The following CACNA1E variants were observed in gnomAD, a reference collection of about 807,000 sequenced individuals.
CACNA1E encodes the protein voltage-dependent R-type calcium channel subunit alpha-1E.
A neutral mutation model predicts 259.2 loss-of-function variants in CACNA1E; 40 were observed. The observed-to-expected ratio is 0.15, with a 90% CI of 0.12 to 0.20. The LOEUF (loss-of-function observed/expected upper bound fraction) is 0.20. CACNA1E is among the 10% of genes least tolerant of loss of function. The probability of loss-of-function intolerance (pLI) is 1.00; values close to 1 mark genes in which losing one functional copy is unlikely to be tolerated. For missense variants in CACNA1E, 1,874 were observed against 3,040.1 expected (o/e 0.62, Z 9.02); for synonymous variants, 1,104 against 1,138.5 (o/e 0.97, Z 0.61).
Position 181,469,117 on chromosome 1 carries a change from A to C in CACNA1E, c.435-14627A>C, listed in dbSNP as rs186511697. Among the ~76,000 whole-genome samples the C allele has an allele frequency of 2.1e-4, 32 of 152,232 alleles. No homozygotes were observed. The East Asian group carries it at 6.0e-3, about 28-fold the overall frequency. ...GGATACAACATTGTACAAGCGCTTCAATTTTATTGCACTGAAAGGTGAGAT... is the reference window on the plus strand; with the variant it reads ...GGATACAACATTGTACAAGCGCTTCCATTTTATTGCACTGAAAGGTGAGAT... On this transcript the variant is annotated intron_variant, in intron 2 of 11. Transcript: ENST00000524607.
chr1:181,748,188 G>A (rs1657274430), intron 25 of CACNA1E, among the ~76,000 whole-genome samples: 1 of 152,070 alleles, frequency 6.6e-6, no homozygotes, highest in Non-Finnish European at 1.5e-5. Context: ...CAGACCTGTG[G>A]GAGTTAGGAT....
At chr1:181,613,073 G>A (rs76686377) in intron 6 of CACNA1E, among the ~76,000 whole-genome samples, 2,262 of 152,096 alleles carry the variant, frequency 0.015, 53 homozygotes, top group Non-Finnish European at 0.025. Context: ...GTTTGCTTCC[G>A]GACTCTGTTC....
intron 6 of CACNA1E, among the ~76,000 whole-genome samples, chr1:181,633,208 G>A (rs1656903720): frequency 6.6e-6 from 1 of 152,170 alleles, no homozygotes; most frequent in African/African-American, 2.4e-5. Context: ...CAGTTTCCAA[G>A]GAAGGGTGCA....
chr1:181,781,378 AC>A (rs1660415008), intron 38 of CACNA1E, 48 bp from the exon 39 acceptor site: 2 of 848,242 alleles, frequency 2.4e-6, no homozygotes, highest in African/African-American at 3.4e-5. Flanking sequence ...CTGCCACCCC[AC>A]TGCCCCGCTA....
At chr1:181,728,589 G>C (rs1003120908) in intron 18 of CACNA1E, among the ~76,000 whole-genome samples, 1 of 150,330 alleles carries the variant, frequency 6.7e-6, no homozygotes, top group East Asian at 2.0e-4. Flanking sequence ...CACCCTGCTC[G>C]TGTGCGTACT....
chr1:181,334,733 C>T (rs1161865659), intron 1 of CACNA1E, among the ~76,000 whole-genome samples: 1 of 152,230 alleles, frequency 6.6e-6, no homozygotes, highest in Middle Eastern at 3.2e-3. Flanking sequence ...CACTAACTGA[C>T]ACAGGTGGTC....
rs915118461 is a variant in CACNA1E, at chr1:181,784,839, C to T, written c.5578+71C>T. 2.0e-5 allele frequency: 18 copies of T among 881,430 alleles called. No individual in the cohort carries two copies. The African/African-American group carries it at 2.4e-4, about 12-fold the overall frequency. 54.6% of individuals were successfully genotyped at this position (881,430 alleles called of 1,614,324 possible). ...GTGAAGACTACGTCTTTGGGGGGAA[C>T]CCAGAGTGATCAAAGAGATAAGGAA... On this transcript the variant is annotated intron_variant, in intron 41 of 47. Coordinates refer to ENST00000367573, the MANE Select transcript of CACNA1E (RefSeq NM_001205293.3).
At chr1:181,784,384 C>T (rs987276895) in intron 40 of CACNA1E, among the ~76,000 whole-genome samples, 2 of 152,132 alleles carry the variant, frequency 1.3e-5, no homozygotes, top group Non-Finnish European at 2.9e-5. Context: ...GTATTGAGCA[C>T]CTGGGAGGCT....
At chr1:181,434,744 G>C (rs1425936970) in intron 2 of CACNA1E, among the ~76,000 whole-genome samples, 1 of 152,334 alleles carries the variant, frequency 6.6e-6, no homozygotes, top group African/African-American at 2.4e-5. Context: ...GGAGCTACGG[G>C]AGGTGGGCAG....
intron 2 of CACNA1E, among the ~76,000 whole-genome samples, chr1:181,466,999 G>A (rs1662194830): frequency 6.6e-6 from 1 of 152,220 alleles, no homozygotes. Flanking sequence ...TTTGAGGAAG[G>A]AAGTGGGTGA....
At chr1:181,753,370 T>G (rs576339011) in intron 27 of CACNA1E, among the ~76,000 whole-genome samples, 1 of 152,340 alleles carries the variant, frequency 6.6e-6, no homozygotes, top group South Asian at 2.1e-4. Flanking sequence ...CAGGTGACTC[T>G]TAGAATATAG....
At chr1:181,786,660 G>A (rs1214037323) in intron 43 of CACNA1E, among the ~76,000 whole-genome samples, 3 of 152,160 alleles carry the variant, frequency 2.0e-5, no homozygotes, top group East Asian at 3.9e-4. Flanking sequence ...CAAGCATTTA[G>A]TGCATACCTA....
At chr1:181,420,309 T>A (rs182660305) in intron 2 of CACNA1E, among the ~76,000 whole-genome samples, 1 of 152,300 alleles carries the variant, frequency 6.6e-6, no homozygotes, top group Non-Finnish European at 1.5e-5. Flanking sequence ...CAGATTTTCT[T>A]GTACAGAATG....
At chr1:181,783,537 A>G (rs1402054467) in intron 39 of CACNA1E, 142 bp from the exon 40 acceptor site, 3 of 558,670 alleles carry the variant, frequency 5.4e-6, no homozygotes, top group African/African-American at 3.8e-5. Flanking sequence ...GCAGGGAGAG[A>G]AGGACTGGGG....
At chr1:181,334,515 C>T (rs1346852545) in intron 1 of CACNA1E, among the ~76,000 whole-genome samples, 1 of 152,218 alleles carries the variant, frequency 6.6e-6, no homozygotes, top group African/African-American at 2.4e-5. Flanking sequence ...TCTTCTTGCT[C>T]CTTCTTCAAT....
intron 40 of CACNA1E, among the ~76,000 whole-genome samples, chr1:181,784,201 A>G (rs901696800): frequency 2.0e-5 from 3 of 152,202 alleles, no homozygotes; most frequent in African/African-American, 7.2e-5. Flanking sequence ...TTAGGAGAGA[A>G]CAGGCTTACT....
At chr1:181,700,168 G>T (rs773900288) in intron 7 of CACNA1E, among the ~76,000 whole-genome samples, 6 of 152,130 alleles carry the variant, frequency 3.9e-5, no homozygotes, top group Non-Finnish European at 8.8e-5. Flanking sequence ...TCAAACAAAA[G>T]AGTGGGTGTC....
intron 42 of CACNA1E, 122 bp from the exon 43 acceptor site, chr1:181,785,591 G>A (rs900689408): frequency 2.2e-6 from 2 of 904,730 alleles, no homozygotes; most frequent in African/African-American, 1.7e-5. Flanking sequence ...TGGATCGAAG[G>A]TTAAAATGGT....
intron 1 of CACNA1E, among the ~76,000 whole-genome samples, chr1:181,349,329 C>G (rs991273921): frequency 6.6e-6 from 1 of 152,202 alleles, no homozygotes; most frequent in Non-Finnish European, 1.5e-5. Flanking sequence ...CGATTGCTCT[C>G]ACTGTGTACT....
Sources: gnomAD v4.1 joint callset for allele counts (sites outside exome capture counted in the v4.1 genomes callset) on GRCh38, gnomAD v4.1.1 for gene constraint, MANE v1.5 for transcripts, NCBI Gene and HGNC (gene_info 2026-07-23, HGNC 2026-07-21) for gene names.